NFIA: variants seen among roughly 807,000 people sequenced by gnomAD.
NFIA encodes nuclear factor I A.
NFIA carries 8 observed loss-of-function variants against 62.8 expected under a neutral mutation model. The observed-to-expected ratio is 0.13, with a 90% CI of 0.07 to 0.23. The LOEUF (loss-of-function observed/expected upper bound fraction) is 0.23. Among genes scored for constraint, NFIA ranks in the 10% least tolerant of loss-of-function variants. The pLI, the probability that NFIA is intolerant of heterozygous loss-of-function variation, is 1.00. For missense variants in NFIA, 410 were observed against 642.1 expected, an observed-to-expected ratio of 0.64 and a Z score of 3.91; for synonymous variants, 235 against 238.1, an observed-to-expected ratio of 0.99 and a Z score of 0.12.
In NFIA at chr1:61,164,597, C is replaced by A. The variant is rs189615583; in HGVS notation, c.559+75917C>A. ...GCCTCAGCCTCCCGAGTAGCTGGGA[C>A]TACAGCCGCCCGCCGCCACGCCCGG... On this transcript the variant is annotated intron_variant, in intron 2 of 10. Coordinates refer to ENST00000403491, the MANE Select transcript of NFIA (RefSeq NM_001134673.4). Among the ~76,000 whole-genome samples, 757 of 152,090 alleles carry A rather than the reference C, an allele frequency of 5.0e-3. 16 individuals carry two copies. Among genetic ancestry groups the A allele is most frequent in the Admixed American group, 0.028 (427 of 15,282 alleles).
chr1:61,434,920 G>A (rs1667262559), intron 10 of NFIA, among the ~76,000 whole-genome samples: 1 of 152,132 alleles, frequency 6.6e-6, no homozygotes, highest in African/African-American at 2.4e-5. Context: ...GTGGGAAAAG[G>A]GGGACAGAAA....
At chr1:61,383,492 C>T (rs756932981) in intron 7 of NFIA, 127 bp downstream of exon 7, 84 of 1,204,282 alleles carry the variant, frequency 7.0e-5, no homozygotes, top group Non-Finnish European at 8.3e-5. Context: ...AATTTCTTAC[C>T]CTTGGGGGCA....
rs554121712 is a variant in NFIA, at chr1:61,461,820, C to T, written c.*6500C>T. The T allele has an allele frequency of 6.6e-6, 1 of 152,312 alleles. No homozygotes were observed. Among genetic ancestry groups the T allele is most frequent in the South Asian group, 2.1e-4 (1 of 4,826 alleles). 9.4% of individuals were successfully genotyped at this position (152,312 alleles called of 1,614,324 possible). A position where few individuals can be genotyped will look rare whatever the true frequency, so the allele number is the denominator to read the frequency against. The stretch of plus-strand genomic sequence containing the variant: ...CACCTTCATGGTGGAAGACACCCAC[C>T]AGGTCATACAATGTGAACTTTTGTA... On this transcript the variant is annotated 3_prime_UTR_variant, in exon 11 of 11. Transcript: ENST00000403491.
chr1:61,175,679 C>T lies in NFIA; in HGVS notation c.559+86999C>T, dbSNP rs189590500. 1.1e-4 allele frequency among the ~76,000 whole-genome samples: 17 copies of T among 152,272 alleles called. 1 individual carries two copies. In the East Asian group the frequency reaches 3.1e-3, roughly 28 times the overall value. ...CCAGTATTTATGCAGATGATTGTTA[C>T]ATTTATTTATTGTCACATGTCATAG... On this transcript the variant is annotated intron_variant, in intron 2 of 10. Transcript: ENST00000403491.
At chr1:61,096,454 T>C (rs1259348514) in intron 2 of NFIA, among the ~76,000 whole-genome samples, 1 of 151,844 alleles carries the variant, frequency 6.6e-6, no homozygotes. Flanking sequence ...TCCACCTGCC[T>C]CGGCCTGCCA....
intron 2 of NFIA, among the ~76,000 whole-genome samples, chr1:61,117,700 G>A (rs1464561174): frequency 1.3e-5 from 2 of 152,166 alleles, no homozygotes; most frequent in Admixed American, 1.3e-4. Context: ...TTGGTGTCCT[G>A]ACAGACTGCA....
intron 2 of NFIA, among the ~76,000 whole-genome samples, chr1:61,231,016 T>C (rs1483675122): frequency 6.6e-6 from 1 of 152,250 alleles, no homozygotes; most frequent in African/African-American, 2.4e-5. Context: ...AAGCTTTGTA[T>C]ACTTCTGCCA....
chr1:61,372,376 CTTTT>C (rs1415171263), intron 6 of NFIA, among the ~76,000 whole-genome samples: 2 of 151,978 alleles, frequency 1.3e-5, no homozygotes, highest in African/African-American at 4.8e-5. Flanking sequence ...AAATAGCATG[CTTTT>C]TAATAATTGT....
intron 2 of NFIA, among the ~76,000 whole-genome samples, chr1:61,162,740 G>A (rs1393148452): frequency 6.6e-6 from 1 of 151,926 alleles, no homozygotes; most frequent in East Asian, 1.9e-4. Flanking sequence ...TAGCTGTGGT[G>A]TCTGCTGCCA....
At chr1:61,134,214 A>G (rs959585060) in intron 2 of NFIA, among the ~76,000 whole-genome samples, 20 of 151,112 alleles carry the variant, frequency 1.3e-4, no homozygotes, top group Non-Finnish European at 2.8e-4. Context: ...TGCTTTGGAA[A>G]CTACAGGGTG....
At position 61,335,291 on chromosome 1, in the gene NFIA, T is replaced by C. The variant is rs777996472; in HGVS notation, c.700+2705T>C. 6.5e-4 allele frequency among the ~76,000 whole-genome samples: 99 copies of C among 152,112 alleles called. 1 individual carries two copies. Among genetic ancestry groups the C allele is most frequent in the Non-Finnish European group, 1.6e-4 (11 of 68,034 alleles). The stretch of plus-strand genomic sequence containing the variant: ...CCTTTTTCTTAGAGATAATCTAGGT[T>C]TGTCGGGGTATATTTCACAAGATTA... On this transcript the variant is annotated intron_variant, in intron 4 of 10. Transcript: ENST00000403491.
At chr1:61,385,910 G>A (rs1664659065) in intron 7 of NFIA, 1 of 152,154 alleles carries the variant, frequency 6.6e-6, no homozygotes, top group African/African-American at 2.4e-5. Flanking sequence ...TCTCCTTTCT[G>A]GAAAGTCTAC....
intron 2 of NFIA, among the ~76,000 whole-genome samples, chr1:61,106,581 A>C (rs1233190198): frequency 6.6e-6 from 1 of 151,916 alleles, no homozygotes; most frequent in Non-Finnish European, 1.5e-5. Flanking sequence ...ATTTCTTTTA[A>C]AATTTTTCAA....
intron 3 of NFIA, among the ~76,000 whole-genome samples, chr1:61,293,272 CA>C (rs1158390895): frequency 6.6e-6 from 1 of 152,086 alleles, no homozygotes; most frequent in Admixed American, 6.6e-5. Context: ...AATGTGCCAT[CA>C]AGATATTTCC....
At chr1:61,453,699 A>G (rs920870179) in intron 10 of NFIA, among the ~76,000 whole-genome samples, 1 of 152,174 alleles carries the variant, frequency 6.6e-6, no homozygotes, top group Non-Finnish European at 1.5e-5. Flanking sequence ...CAAAGTTTGA[A>G]CCTGTTTTGT....
At chr1:61,371,468 T>TA (rs917189522) in intron 6 of NFIA, among the ~76,000 whole-genome samples, 11 of 151,770 alleles carry the variant, frequency 7.2e-5, no homozygotes, top group Non-Finnish European at 1.3e-4. Flanking sequence ...TCATTTAGAA[T>TA]AAAAAAAAAT....
At chr1:61,241,830 T>G (rs1037116860) in intron 2 of NFIA, among the ~76,000 whole-genome samples, 1 of 152,118 alleles carries the variant, frequency 6.6e-6, no homozygotes, top group African/African-American at 2.4e-5. Flanking sequence ...GGGGAATACA[T>G]GAGGTGAAAA....
At chr1:61,306,629 T>C (rs6674969) in intron 3 of NFIA, among the ~76,000 whole-genome samples, 15,936 of 152,148 alleles carry the variant, frequency 0.1, 943 homozygotes, top group East Asian at 0.25. Flanking sequence ...CTTTCTCTTG[T>C]TCACCCACTT....
intron 2 of NFIA, among the ~76,000 whole-genome samples, chr1:61,191,454 GT>G (rs374192864): frequency 2.3e-3 from 351 of 150,266 alleles, no homozygotes; most frequent in Non-Finnish European, 3.0e-3. Context: ...CTCTAGCCTG[GT>G]TTTTTTTTGC....
Sources: allele counts gnomAD v4.1 joint callset (sites outside exome capture counted in the v4.1 genomes callset), GRCh38; gene constraint gnomAD v4.1.1; transcripts MANE v1.5; gene names NCBI Gene and HGNC (gene_info 2026-07-23, HGNC 2026-07-21).